Variants in WASHC3 observed in about 807,000 individuals in gnomAD.
The protein encoded by WASHC3 is WASH complex subunit CCDC53.
WASHC3 carries 24 observed loss-of-function variants against 26.1 expected under a neutral mutation model. The ratio of observed to expected loss-of-function variants is 0.92; its 90% CI spans 0.66 to 1.29. The LOEUF is 1.29. Ranked by LOEUF, WASHC3 falls within the 50% of genes most tolerant of loss-of-function variation. The probability of loss-of-function intolerance (pLI) is 0.00; values close to 1 mark genes in which losing one functional copy is unlikely to be tolerated. For synonymous variants in WASHC3, 77 were observed against 75.7 expected (o/e 1.02, Z -0.09); for missense variants, 214 against 229.6 (o/e 0.93, Z 0.44).
intron 5 of WASHC3, among the ~76,000 whole-genome samples, chr12:102,037,266 T>A (rs1415106897): frequency 6.6e-6 from 1 of 152,220 alleles, no homozygotes; most frequent in Non-Finnish European, 1.5e-5. Flanking sequence ...GAATGAGGAA[T>A]ACTGTAGTAC....
rs151151284 is a variant in WASHC3 at position 102,039,127 on chromosome 12, G to GTTTTTTTTTTTTTTTTTTTTTTTTTTTT, written c.435+740_435+741insAAAAAAAAAAAAAAAAAAAAAAAAAAAA. ...AGGTGCATGCCATCATATGGAGTTA[G>GTTTTTTTTTTTTTTTTTTTTTTTTTTTT]GTTTTTTTTTTTTTTTTTTTTTTTA... On this transcript the variant is annotated intron_variant, in intron 5 of 6. Coordinates refer to ENST00000240079, the MANE Select transcript of WASHC3 (RefSeq NM_016053.4). Among the ~76,000 whole-genome samples the GTTTTTTTTTTTTTTTTTTTTTTTTTTTT allele has an allele frequency of 2.4e-5, 2 of 84,272 alleles. 1 individual carries two copies. The highest frequency in any genetic ancestry group is 9.7e-5 in the African/African-American group (2 of 20,632). 55.3% of individuals were successfully genotyped at this position (84,272 alleles called of 152,430 possible). A position where few individuals can be genotyped will look rare whatever the true frequency, so the allele number is the denominator to read the frequency against.
At chr12:102,058,311 T>C (rs995410472) in intron 2 of WASHC3, among the ~76,000 whole-genome samples, 1 of 152,154 alleles carries the variant, frequency 6.6e-6, no homozygotes, top group Non-Finnish European at 1.5e-5. Flanking sequence ...GTAAAACTAC[T>C]AGAAGAAAAC....
intron 4 of WASHC3, among the ~76,000 whole-genome samples, chr12:102,041,451 T>G (rs915371188): frequency 6.6e-6 from 1 of 152,048 alleles, no homozygotes; most frequent in African/African-American, 2.4e-5. Flanking sequence ...TCTGCACAAT[T>G]GGATATTCTA....
At position 102,053,623 on chromosome 12, in the gene WASHC3, A is replaced by T. The variant is rs551871809; in HGVS notation, c.151-7504T>A. Among the ~76,000 whole-genome samples the T allele has an allele frequency of 9.8e-5, 15 of 152,356 alleles. No homozygotes were observed. In the East Asian group the frequency reaches 2.9e-3, roughly 29 times the overall value. On this transcript the variant is annotated intron_variant, in intron 2 of 6. Coordinates refer to ENST00000240079, the MANE Select transcript of WASHC3 (RefSeq NM_016053.4). Reference sequence around the variant, plus strand: ...ACTGACCCTTCTTCACAACGAATCCAAAATTATTGTTTTAGGGAAACTCAG... The same window carrying T: ...ACTGACCCTTCTTCACAACGAATCCTAAATTATTGTTTTAGGGAAACTCAG...
chr12:102,042,190 GA>G (rs1427949051), intron 4 of WASHC3, among the ~76,000 whole-genome samples: 2 of 152,114 alleles, frequency 1.3e-5, no homozygotes, highest in Non-Finnish European at 2.9e-5. Context: ...TTAATTGAGA[GA>G]ATGTAAAGTT....
intron 6 of WASHC3, among the ~76,000 whole-genome samples, chr12:102,025,214 C>G (rs1877124046): frequency 6.6e-6 from 1 of 152,052 alleles, no homozygotes; most frequent in African/African-American, 2.4e-5. Flanking sequence ...GGGTGAACTA[C>G]AGCCCCAAAT....
chr12:102,031,234 A>C (rs1298013343), intron 5 of WASHC3, among the ~76,000 whole-genome samples: 1 of 152,188 alleles, frequency 6.6e-6, no homozygotes, highest in Non-Finnish European at 1.5e-5. Flanking sequence ...GGTCCTCTGT[A>C]TACTGGGGCC....
In WASHC3 at chr12:102,060,899, G is replaced by A. The variant is rs577615240; in HGVS notation, c.150+349C>T. 4.7e-4 allele frequency among the ~76,000 whole-genome samples: 67 copies of A among 141,500 alleles called. No homozygotes were observed. In the South Asian group the frequency reaches 0.015, roughly 31 times the overall value. The allele number at this position is 141,500 out of a possible 152,430, so 92.8% of individuals were successfully genotyped here. On this transcript the variant is annotated intron_variant, in intron 2 of 6. Coordinates refer to ENST00000240079, the MANE Select transcript of WASHC3 (RefSeq NM_016053.4). ...GAACCCGGGAGGTGGAGGTTGCAGT[G>A]AGCCGAGATCGCGCCACTGCACTGT...
At chr12:102,060,708 C>T (rs2136698336) in intron 2 of WASHC3, among the ~76,000 whole-genome samples, 1 of 152,236 alleles carries the variant, frequency 6.6e-6, no homozygotes, top group East Asian at 1.9e-4. Flanking sequence ...GTAATCCCAG[C>T]ACTTTGGGAG....
At chr12:102,051,452 T>C (rs1266389202) in intron 2 of WASHC3, among the ~76,000 whole-genome samples, 1 of 152,174 alleles carries the variant, frequency 6.6e-6, no homozygotes, top group African/African-American at 2.4e-5. Flanking sequence ...GGAATTGACA[T>C]AAAAATATAT....
chr12:102,031,113 G>A (rs1237451658), intron 5 of WASHC3, among the ~76,000 whole-genome samples: 1 of 152,124 alleles, frequency 6.6e-6, no homozygotes, highest in Non-Finnish European at 1.5e-5. Context: ...CTGTAAAACT[G>A]GCATAATCAT....
In WASHC3 at chr12:102,021,400, C is replaced by T. The variant is rs529606083; in HGVS notation, c.500+4574G>A. On this transcript the variant is annotated intron_variant, in intron 6 of 6. Transcript: ENST00000240079. ...GACTTTTGCTCTTGATCTTGGGATC[C>T]TTTATTTCCCAGCAGCAACTCTGTC... Among the ~76,000 whole-genome samples the T allele has an allele frequency of 6.6e-5, 10 of 152,294 alleles. No individual in the cohort carries two copies. The South Asian group carries it at 1.7e-3, about 25-fold the overall frequency.
intron 5 of WASHC3, among the ~76,000 whole-genome samples, chr12:102,031,908 C>T (rs1477414563): frequency 6.6e-6 from 1 of 152,184 alleles, no homozygotes; most frequent in Non-Finnish European, 1.5e-5. Flanking sequence ...TATACTTTGA[C>T]TATACTGTTG....
chr12:102,056,085 T>G (rs1878582417), intron 2 of WASHC3, among the ~76,000 whole-genome samples: 2 of 152,234 alleles, frequency 1.3e-5, no homozygotes, highest in African/African-American at 4.8e-5. Context: ...TTATAAACTT[T>G]GCTTTAACTT....
At chr12:102,050,453 AACACACACACACACACACACAC>A (rs58251617) in intron 2 of WASHC3, 2 of 333,994 alleles carry the variant, frequency 6.0e-6, no homozygotes, top group South Asian at 4.3e-5. Flanking sequence ...TGCCATCTCT[AACACACACACACACACACACAC>A]ACACACACAC....
chr12:102,027,374 T>A (rs1003260563), intron 5 of WASHC3, among the ~76,000 whole-genome samples: 2 of 152,180 alleles, frequency 1.3e-5, no homozygotes, highest in African/African-American at 4.8e-5. Context: ...AAAATGCTGA[T>A]TTTGTATTTC....
At chr12:102,016,256 G>A (rs1283144828) in intron 6 of WASHC3, among the ~76,000 whole-genome samples, 1 of 151,966 alleles carries the variant, frequency 6.6e-6, no homozygotes, top group Non-Finnish European at 1.5e-5. Context: ...CCAGGCTAGG[G>A]TGCAGTGGTG....
intron 5 of WASHC3, 43 bp from the exon 6 acceptor site, chr12:102,026,081 C>A: frequency 1.8e-6 from 2 of 1,116,832 alleles, no homozygotes; most frequent in Non-Finnish European, 2.6e-6. Flanking sequence ...AAAAATGTCT[C>A]CTTTATATGT....
intron 3 of WASHC3, among the ~76,000 whole-genome samples, chr12:102,044,867 C>T (rs960727228): frequency 1.3e-5 from 2 of 152,060 alleles, no homozygotes; most frequent in African/African-American, 4.8e-5. Context: ...GTTAGATCTG[C>T]GAGACCCATA....
Sources: allele counts gnomAD v4.1 joint callset (sites outside exome capture counted in the v4.1 genomes callset), GRCh38; gene constraint gnomAD v4.1.1; transcripts MANE v1.5; gene names NCBI Gene and HGNC (gene_info 2026-07-23, HGNC 2026-07-21).